Variants in IQCM observed in about 807,000 individuals in gnomAD.
IQCM encodes the protein IQ motif containing M, also known as IQ domain-containing protein M.
A neutral mutation model predicts 57.6 loss-of-function variants in IQCM; 45 were observed. That is an observed-to-expected ratio of 0.78 (90% confidence interval 0.62 to 1.00). The LOEUF is 1.00. Ranked by LOEUF, IQCM falls within the 50% of genes least tolerant of loss-of-function variation. The pLI, the probability that IQCM is intolerant of heterozygous loss-of-function variation, is 0.00. For synonymous variants in IQCM, 148 were observed against 158.9 expected, an observed-to-expected ratio of 0.93 and a Z score of 0.51; for missense variants, 468 against 511.6, an observed-to-expected ratio of 0.91 and a Z score of 0.82.
intron 12 of IQCM, among the ~76,000 whole-genome samples, chr4:149,467,402 C>T (rs916584270): frequency 6.6e-6 from 1 of 152,026 alleles, no homozygotes; most frequent in Non-Finnish European, 1.5e-5. Context: ...TACTATGTCC[C>T]GGGCACTGTT....
At chr4:149,659,781 T>G (rs1258914095) in intron 7 of IQCM, among the ~76,000 whole-genome samples, 15 of 151,772 alleles carry the variant, frequency 9.9e-5, no homozygotes, top group Non-Finnish European at 1.8e-4. Context: ...TAGCCATATG[T>G]AGAAAGCTGA....
chr4:149,630,253 G>A (rs1360310470), intron 7 of IQCM, among the ~76,000 whole-genome samples: 3 of 152,210 alleles, frequency 2.0e-5, no homozygotes, highest in Non-Finnish European at 4.4e-5. Flanking sequence ...TCTGCCAAAC[G>A]CAGTTCTTGC....
intron 12 of IQCM, among the ~76,000 whole-genome samples, chr4:149,520,049 C>T (rs1745456307): frequency 6.6e-6 from 1 of 152,122 alleles, no homozygotes; most frequent in South Asian, 2.1e-4. Flanking sequence ...TATTTTATAT[C>T]CATTAAACAA....
At chr4:149,677,144 C>A (rs572097269) in intron 7 of IQCM, among the ~76,000 whole-genome samples, 1 of 152,076 alleles carries the variant, frequency 6.6e-6, no homozygotes, top group Admixed American at 6.6e-5. Context: ...TATTCACCAT[C>A]TTGGGTTCTC....
chr4:149,448,077 T>TGA (rs1736703013), intron 12 of IQCM, among the ~76,000 whole-genome samples: 1 of 151,646 alleles, frequency 6.6e-6, no homozygotes, highest in Non-Finnish European at 1.5e-5. Flanking sequence ...ATAATACACA[T>TGA]TCTCGTCAAT....
At chr4:149,606,384 A>C (rs1561051842) in intron 8 of IQCM, among the ~76,000 whole-genome samples, 1 of 152,186 alleles carries the variant, frequency 6.6e-6, no homozygotes, top group Non-Finnish European at 1.5e-5. Flanking sequence ...CCACAGCCTT[A>C]GGTCACAACA....
chr4:149,490,396 G>C (rs1049330967), intron 12 of IQCM, among the ~76,000 whole-genome samples: 3 of 151,928 alleles, frequency 2.0e-5, no homozygotes, highest in Admixed American at 2.0e-4. Flanking sequence ...GTAAAGTCTT[G>C]TATCTCAAAT....
At chr4:149,683,850 G>C (rs562759827) in intron 6 of IQCM, among the ~76,000 whole-genome samples, 18 of 151,232 alleles carry the variant, frequency 1.2e-4, no homozygotes, top group Non-Finnish European at 2.5e-4. Context: ...ACACAAATGT[G>C]AAATGCCAGG....
At chr4:149,369,689 C>T (rs1489550262) in intron 13 of IQCM, among the ~76,000 whole-genome samples, 1 of 152,000 alleles carries the variant, frequency 6.6e-6, no homozygotes, top group African/African-American at 2.4e-5. Context: ...GAAAATTAAA[C>T]AAGTGTTCTG....
intron 3 of IQCM, among the ~76,000 whole-genome samples, chr4:149,738,853 T>C (rs1485920378): frequency 6.6e-6 from 1 of 152,180 alleles, no homozygotes; most frequent in African/African-American, 2.4e-5. Context: ...ATTCACAAGA[T>C]AGCACAAGAT....
intron 12 of IQCM, among the ~76,000 whole-genome samples, chr4:149,445,656 T>G (rs1736425800): frequency 6.6e-6 from 1 of 151,774 alleles, no homozygotes; most frequent in South Asian, 2.1e-4. Flanking sequence ...AAAGGTTTCA[T>G]GACTTCAGCC....
chr4:149,370,438 T>C (rs889764594), intron 13 of IQCM, among the ~76,000 whole-genome samples: 3 of 152,088 alleles, frequency 2.0e-5, no homozygotes, highest in African/African-American at 7.2e-5. Context: ...ACTTTAGCTG[T>C]TATTATTCCC....
At chr4:149,454,352 C>A (rs1223799047) in intron 12 of IQCM, among the ~76,000 whole-genome samples, 1 of 151,580 alleles carries the variant, frequency 6.6e-6, no homozygotes, top group Non-Finnish European at 1.5e-5. Context: ...TTATCCTAAG[C>A]GAACTAATGC....
intron 2 of IQCM, among the ~76,000 whole-genome samples, chr4:149,812,480 TCACA>T (rs1412777680): frequency 5.0e-5 from 7 of 138,800 alleles, no homozygotes; most frequent in Admixed American, 2.1e-4. Flanking sequence ...TCTCTCTCTC[TCACA>T]CACACACACA....
At chr4:149,757,392 C>A (rs1199987259) in intron 2 of IQCM, among the ~76,000 whole-genome samples, 1 of 151,628 alleles carries the variant, frequency 6.6e-6, no homozygotes, top group African/African-American at 2.4e-5. Flanking sequence ...GTTCACATAT[C>A]AATAGAGATT....
intron 9 of IQCM, among the ~76,000 whole-genome samples, chr4:149,568,135 G>A (rs1293003182): frequency 6.6e-6 from 1 of 152,108 alleles, no homozygotes. Context: ...TCCTGTGGTT[G>A]AGTGTCATCA....
At chr4:149,407,912 T>C (rs557701778) in intron 13 of IQCM, among the ~76,000 whole-genome samples, 2 of 152,306 alleles carry the variant, frequency 1.3e-5, no homozygotes, top group Non-Finnish European at 2.9e-5. Context: ...TTTTAGTTCT[T>C]TGAGATATCT....
At chr4:149,382,528 A>G (rs1179337819) in intron 13 of IQCM, among the ~76,000 whole-genome samples, 1 of 152,114 alleles carries the variant, frequency 6.6e-6, no homozygotes, top group Non-Finnish European at 1.5e-5. Flanking sequence ...GCATATTATA[A>G]TTCTAATTTC....
At chr4:149,535,599 GT>G (rs1264989473) in intron 12 of IQCM, among the ~76,000 whole-genome samples, 1 of 151,950 alleles carries the variant, frequency 6.6e-6, no homozygotes, top group Non-Finnish European at 1.5e-5. Context: ...TGTTCCTGCT[GT>G]TTCTTAAAGA....
Sources: allele counts gnomAD v4.1 joint callset (sites outside exome capture counted in the v4.1 genomes callset), GRCh38; gene constraint gnomAD v4.1.1; transcripts MANE v1.5; gene names NCBI Gene and HGNC (gene_info 2026-07-23, HGNC 2026-07-21).